RUNX1T1: variants seen among roughly 807,000 people sequenced by gnomAD.
RUNX1T1 encodes protein CBFA2T1.
In RUNX1T1, 4 loss-of-function variants were observed where a neutral mutation model predicts 62.8. The observed-to-expected ratio is 0.06, with a 90% CI of 0.03 to 0.15. The LOEUF (loss-of-function observed/expected upper bound fraction) is 0.15, where lower values mean the gene tolerates loss of function less well. Ranked by LOEUF, RUNX1T1 falls within the 10% of genes least tolerant of loss-of-function variation. The probability of loss-of-function intolerance (pLI) is 1.00; values close to 1 mark genes in which losing one functional copy is unlikely to be tolerated. For missense variants in RUNX1T1, 508 were observed against 754.3 expected (o/e 0.67, Z 3.82); for synonymous variants, 291 against 286.0 (o/e 1.02, Z -0.18).
intron 1 of RUNX1T1, among the ~76,000 whole-genome samples, chr8:92,019,707 A>G (rs886984844): frequency 1.1e-4 from 17 of 152,198 alleles, no homozygotes; most frequent in Non-Finnish European, 1.9e-4. Context: ...AAATTTGACA[A>G]TAAGTTTCCT....
chr8:91,968,615 T>C (rs992055206), intron 10 of RUNX1T1, among the ~76,000 whole-genome samples: 2 of 152,166 alleles, frequency 1.3e-5, no homozygotes, highest in African/African-American at 4.8e-5. Context: ...GTCTTAAAAG[T>C]GGTCCTTGCA....
At chr8:92,046,607 G>T (rs925232417) in intron 1 of RUNX1T1, among the ~76,000 whole-genome samples, 2 of 151,970 alleles carry the variant, frequency 1.3e-5, no homozygotes, top group Non-Finnish European at 2.9e-5. Flanking sequence ...CAAGCAATCC[G>T]CCTGCCTCAG....
At chr8:92,063,858 T>C (rs975726953), upstream of RUNX1T1, among the ~76,000 whole-genome samples, 3 of 152,192 alleles carry the variant, frequency 2.0e-5, no homozygotes, top group African/African-American at 4.8e-5. Flanking sequence ...TTCCATCGTA[T>C]GCACAATCCA....
At chr8:92,058,947 T>C (rs1195404426) in intron 1 of RUNX1T1, among the ~76,000 whole-genome samples, 3 of 152,170 alleles carry the variant, frequency 2.0e-5, no homozygotes, top group South Asian at 2.1e-4. Context: ...TCATTTTCAA[T>C]AGACCATTAA....
At chr8:92,017,558 A>G (rs535520394) in intron 1 of RUNX1T1, 195 bp from the exon 3 acceptor site, 1 of 1,458,002 alleles carries the variant, frequency 6.9e-7, no homozygotes, top group South Asian at 1.4e-5. Context: ...CACAGATGGC[A>G]GGACCTCATT....
At chr8:92,004,876 C>A (rs561552888) in intron 5 of RUNX1T1, 4 of 391,296 alleles carry the variant, frequency 1.0e-5, no homozygotes, top group Non-Finnish European at 1.8e-5. Context: ...TTCACCATTT[C>A]GCTTTAATAC....
At chr8:91,955,999 G>A (rs1484589994), downstream of RUNX1T1, 1 of 230,244 alleles carries the variant, frequency 4.3e-6, no homozygotes, top group East Asian at 6.2e-5. Flanking sequence ...AATTAGAGGA[G>A]AGGGGACAAG....
At chr8:92,093,235 G>C (rs1256174258) in intron 1 of RUNX1T1, among the ~76,000 whole-genome samples, 1 of 152,022 alleles carries the variant, frequency 6.6e-6, no homozygotes, top group Non-Finnish European at 1.5e-5. Flanking sequence ...CAATTGTCAT[G>C]TATAAGTCAT....
At chr8:92,016,754 T>C (rs1348316831) in intron 2 of RUNX1T1, among the ~76,000 whole-genome samples, 1 of 152,226 alleles carries the variant, frequency 6.6e-6, no homozygotes, top group Non-Finnish European at 1.5e-5. Context: ...TGCATATCAA[T>C]ACCCTTTTTA....
chr8:92,034,797 T>TACAC (rs200718439), intron 1 of RUNX1T1, among the ~76,000 whole-genome samples: 5,927 of 96,730 alleles, frequency 0.061, 204 homozygotes, highest in African/African-American at 0.075. Flanking sequence ...TATACATATA[T>TACAC]ACACACACAC....
chr8:92,098,101 A>G (rs1158875590), intron 1 of RUNX1T1, among the ~76,000 whole-genome samples: 3 of 152,240 alleles, frequency 2.0e-5, no homozygotes, highest in Non-Finnish European at 4.4e-5. Context: ...TAATTCAGAT[A>G]AAAATCTAGC....
At chr8:92,060,549 A>AATGTGTG (rs1831786103) in intron 1 of RUNX1T1, among the ~76,000 whole-genome samples, 1 of 107,052 alleles carries the variant, frequency 9.3e-6, no homozygotes, top group Non-Finnish European at 2.1e-5. Flanking sequence ...ATATATATAT[A>AATGTGTG]TATATGTGTG....
chr8:92,053,545 A>G (rs1315237617), intron 1 of RUNX1T1, among the ~76,000 whole-genome samples: 1 of 152,230 alleles, frequency 6.6e-6, no homozygotes, highest in Non-Finnish European at 1.5e-5. Context: ...AAGTATAATC[A>G]GGATAAATTA....
chr8:92,036,986 G>A (rs1057019019), intron 1 of RUNX1T1, among the ~76,000 whole-genome samples: 2 of 152,144 alleles, frequency 1.3e-5, no homozygotes, highest in Admixed American at 6.5e-5. Flanking sequence ...GTCTACTTCT[G>A]GGACTGAAGT....
At chr8:92,015,950 G>T (rs1822904247) in intron 2 of RUNX1T1, among the ~76,000 whole-genome samples, 1 of 152,136 alleles carries the variant, frequency 6.6e-6, no homozygotes, top group South Asian at 2.1e-4. Context: ...TTACAACTTG[G>T]CATTGCACAG....
intron 1 of RUNX1T1, chr8:92,062,527 C>T (rs922513408): frequency 6.2e-7 from 1 of 1,613,268 alleles, no homozygotes; most frequent in Non-Finnish European, 8.5e-7. Flanking sequence ...AGAGAGAACA[C>T]AGAACAGGGC....
upstream of RUNX1T1, among the ~76,000 whole-genome samples, chr8:92,102,506 A>AT (rs1229618294): frequency 6.6e-6 from 1 of 152,028 alleles, no homozygotes; most frequent in Non-Finnish European, 1.5e-5. This position sits in a 1 kb window ranked among gnomAD's most constrained non-coding sequence, Gnocchi z 4.5. Flanking sequence ...GGGCACCTCG[A>AT]TCGGTTGTTT....
chr8:92,103,171 G>GCCTC (rs900086151), upstream of RUNX1T1: 17 of 350,548 alleles, frequency 4.8e-5, no homozygotes, highest in African/African-American at 1.1e-4. Flanking sequence ...CCCTCCTCCC[G>GCCTC]CCTCCCTCCC....
exon 1 of RUNX1T1, chr8:92,062,704 GTGCGCCTGCC>G (rs779103121): frequency 6.3e-7 from 1 of 1,581,622 alleles, no homozygotes. Flanking sequence ...TGCTGGGCGC[GTGCGCCTGCC>G]AGGCAGAGAC....
Sources: gnomAD v4.1 joint callset for allele counts (sites outside exome capture counted in the v4.1 genomes callset) on GRCh38, gnomAD v4.1.1 for gene constraint, Gnocchi (gnomAD v3.1) non-coding constraint, MANE v1.5 for transcripts, NCBI Gene and HGNC (gene_info 2026-07-23, HGNC 2026-07-21) for gene names.